The following RFT1 variants were observed in gnomAD, a reference collection of about 807,000 sequenced individuals.
RFT1 encodes the protein RFT1 glycolipid translocator homolog.
In RFT1, 43 loss-of-function variants were observed where a neutral mutation model predicts 62.2. The ratio of observed to expected loss-of-function variants is 0.69; its 90% CI spans 0.54 to 0.89. The LOEUF (loss-of-function observed/expected upper bound fraction) is 0.89, where lower values mean the gene tolerates loss of function less well. RFT1 is among the 40% of genes least tolerant of loss of function. RFT1 has a pLI of 0.00. For missense variants in RFT1, 605 were observed against 649.9 expected, an observed-to-expected ratio of 0.93 and a Z score of 0.75; for synonymous variants, 262 against 264.6, an observed-to-expected ratio of 0.99 and a Z score of 0.10.
chr3:53,087,814 C>T (rs560353673), downstream of RFT1, among the ~76,000 whole-genome samples: 5 of 152,346 alleles, frequency 3.3e-5, no homozygotes, highest in Admixed American at 2.6e-4. Context: ...AGCCACAACG[C>T]CTGGCCCGGC....
Position 53,092,654 on chromosome 3 carries a change from C to T in RFT1, c.1209-36G>A. ...GACAGGAAAAGGAGGGCAGTGGTGACCTTGCCCTGGACAAGGCTGCTCCCA... is the reference window on the plus strand; with the variant it reads ...GACAGGAAAAGGAGGGCAGTGGTGATCTTGCCCTGGACAAGGCTGCTCCCA... On this transcript the variant is annotated intron_variant, in intron 11 of 12. Transcript: ENST00000296292. The T allele has an allele frequency of 3.2e-6, 5 of 1,579,816 alleles. No homozygotes were observed. In the South Asian group the frequency reaches 4.6e-5, roughly 14 times the overall value.
the RFT1 span, among the ~76,000 whole-genome samples, chr3:53,069,146 G>A: frequency 6.6e-6 from 1 of 152,142 alleles, no homozygotes; most frequent in Non-Finnish European, 1.5e-5. Flanking sequence ...CACCATGTTG[G>A]CGAGACTGGT....
the RFT1 span, among the ~76,000 whole-genome samples, chr3:53,068,900 C>G: frequency 6.6e-6 from 1 of 152,144 alleles, no homozygotes; most frequent in African/African-American, 2.4e-5. Context: ...ATATTCAACA[C>G]TTTATTATAA....
chr3:53,096,820 C>T (rs959468549), intron 11 of RFT1, among the ~76,000 whole-genome samples: 1 of 152,196 alleles, frequency 6.6e-6, no homozygotes, highest in African/African-American at 2.4e-5. Flanking sequence ...TCTCCGCTCA[C>T]TGCAACCTCC....
At chr3:53,105,321 G>A (rs975241167) in intron 9 of RFT1, among the ~76,000 whole-genome samples, 4 of 152,204 alleles carry the variant, frequency 2.6e-5, no homozygotes, top group Admixed American at 1.3e-4. Flanking sequence ...GGCTGAGGCA[G>A]GAGAATCGTT....
intron 11 of RFT1, among the ~76,000 whole-genome samples, chr3:53,097,719 C>T (rs1453062230): frequency 1.3e-5 from 2 of 152,256 alleles, no homozygotes; most frequent in Non-Finnish European, 2.9e-5. Flanking sequence ...ACTCCTAGTC[C>T]TGCTCTTTCC....
chr3:53,080,689 T>C, the RFT1 span, among the ~76,000 whole-genome samples: 1 of 152,216 alleles, frequency 6.6e-6, no homozygotes, highest in Non-Finnish European at 1.5e-5. Context: ...TCTAGTGCTT[T>C]ACCTACCTCC....
At chr3:53,122,701 G>C in intron 3 of RFT1, 138 bp from the exon 4 acceptor site, 1 of 427,694 alleles carries the variant, frequency 2.3e-6, no homozygotes, top group Non-Finnish European at 3.8e-6. Flanking sequence ...CTACATGCCA[G>C]GCACTATGAT....
intron 10 of RFT1, among the ~76,000 whole-genome samples, chr3:53,101,215 G>A (rs1247927282): frequency 6.6e-6 from 1 of 152,134 alleles, no homozygotes; most frequent in Non-Finnish European, 1.5e-5. Context: ...ACCTCACATT[G>A]CATTTTGCTT....
At chr3:53,103,123 C>T (rs887659256) in intron 10 of RFT1, 1 of 985,324 alleles carries the variant, frequency 1.0e-6, no homozygotes, top group African/African-American at 1.7e-5. Flanking sequence ...AAACCTGGCC[C>T]TTCCTCCCCT....
intron 7 of RFT1, among the ~76,000 whole-genome samples, chr3:53,110,094 T>G (rs1452031167): frequency 6.6e-6 from 1 of 152,174 alleles, no homozygotes; most frequent in Admixed American, 6.5e-5. Flanking sequence ...TGCAAAGACA[T>G]GTCTAGAGAC....
chr3:53,074,593 G>A, the RFT1 span, among the ~76,000 whole-genome samples: 4 of 152,116 alleles, frequency 2.6e-5, no homozygotes, highest in African/African-American at 9.7e-5. Flanking sequence ...CTAGGCCTGG[G>A]CCCAGGTTGG....
rs201731603 is a variant in RFT1, at chr3:53,119,661, C to CTA, written c.696+221_696+222dup. ...GAGGTCAGAGATGCTGCTAAACATCCTACAATGCACAGGACAGCCCCTACA... is the reference window on the plus strand; with the variant it reads ...GAGGTCAGAGATGCTGCTAAACATCCTATACAATGCACAGGACAGCCCCTACA... On this transcript the variant is annotated intron_variant, in intron 6 of 12. Transcript: ENST00000296292. Among the ~76,000 whole-genome samples the CTA allele has an allele frequency of 0.019, 2,882 of 152,238 alleles. 48 individuals carry two copies. The highest frequency in any genetic ancestry group is 0.031 in the Middle Eastern group (9 of 294).
At chr3:53,120,073 T>A (rs752490578) in intron 5 of RFT1, 52 bp from the exon 6 acceptor site, 2 of 1,496,896 alleles carry the variant, frequency 1.3e-6, no homozygotes, top group South Asian at 1.3e-5. Flanking sequence ...GATATGCCTA[T>A]AAATTTGATC....
At chr3:53,129,450 A>ATTC (rs1702197592) in intron 1 of RFT1, among the ~76,000 whole-genome samples, 1 of 152,088 alleles carries the variant, frequency 6.6e-6, no homozygotes, top group Admixed American at 6.6e-5. Context: ...CTCAAGCCCC[A>ATTC]TTCTGCTTGG....
chr3:53,067,730 C>A, the RFT1 span, among the ~76,000 whole-genome samples: 2 of 152,200 alleles, frequency 1.3e-5, no homozygotes, highest in Admixed American at 1.3e-4. Context: ...GAGGAGCAGG[C>A]AGTGGCCCTG....
At position 53,100,184 on chromosome 3, in the gene RFT1, C is replaced by T. The variant is rs114390830; in HGVS notation, c.1103-698G>A. On this transcript the variant is annotated intron_variant, in intron 10 of 12. Transcript: ENST00000296292. Reference sequence around the variant, plus strand: ...CAGGTCCTGAAGAAAAGACCTTTAACAAAAGCCAGGGGCCCAGGACCAGCA... The same window carrying T: ...CAGGTCCTGAAGAAAAGACCTTTAATAAAAGCCAGGGGCCCAGGACCAGCA... Among the ~76,000 whole-genome samples, 862 of 152,288 alleles carry T rather than the reference C, an allele frequency of 5.7e-3. 9 individuals are homozygous for T. Among genetic ancestry groups the T allele is most frequent in the African/African-American group, 0.02 (813 of 41,552 alleles).
intron 11 of RFT1, among the ~76,000 whole-genome samples, chr3:53,098,541 G>T (rs774864872): frequency 3.3e-5 from 5 of 152,132 alleles, no homozygotes; most frequent in Non-Finnish European, 7.3e-5. Flanking sequence ...GGTGGCTCAT[G>T]CCTGTAATCC....
intron 6 of RFT1, among the ~76,000 whole-genome samples, chr3:53,116,551 C>T (rs907781072): frequency 5.3e-5 from 8 of 152,110 alleles, no homozygotes; most frequent in African/African-American, 1.9e-4. Context: ...ACTTCGGTCT[C>T]CCAAAGTGCT....
Sources: gnomAD v4.1 joint callset for allele counts (sites outside exome capture counted in the v4.1 genomes callset) on GRCh38, gnomAD v4.1.1 for gene constraint, MANE v1.5 for transcripts, NCBI Gene and HGNC (gene_info 2026-07-23, HGNC 2026-07-21) for gene names.